Variants in P2RY12 observed in about 807,000 individuals in gnomAD.
P2RY12 encodes the protein purinergic receptor P2Y12.
P2RY12 carries 3 observed loss-of-function variants against 4.5 expected under a neutral mutation model. That is an observed-to-expected ratio of 0.67 (90% CI 0.31 to 1.74). P2RY12 has a LOEUF of 1.74. P2RY12 is among the 40% of genes most tolerant of loss of function. P2RY12 has a pLI of 0.09. For missense variants in P2RY12, 356 were observed against 407.8 expected (o/e 0.87, Z 1.09); for synonymous variants, 148 against 154.1 (o/e 0.96, Z 0.29).
intron 1 of P2RY12, among the ~76,000 whole-genome samples, chr3:151,362,471 A>G (rs1195284946): frequency 6.6e-6 from 1 of 152,002 alleles, no homozygotes; most frequent in Non-Finnish European, 1.5e-5. Flanking sequence ...ACTTGTCCTC[A>G]GTTACTTGTG....
chr3:151,364,058 C>T (rs1172102845), intron 1 of P2RY12, among the ~76,000 whole-genome samples: 2 of 152,040 alleles, frequency 1.3e-5, no homozygotes, highest in Admixed American at 1.3e-4. Flanking sequence ...CTGCCAAAAA[C>T]TTAATCTATA....
intron 1 of P2RY12, among the ~76,000 whole-genome samples, chr3:151,359,674 G>A (rs1189548891): frequency 6.6e-6 from 1 of 152,120 alleles, no homozygotes; most frequent in Non-Finnish European, 1.5e-5. Flanking sequence ...AATAAGGATG[G>A]TGAATCAGAT....
At chr3:151,355,524 A>G (rs1333413386) in intron 1 of P2RY12, among the ~76,000 whole-genome samples, 1 of 152,204 alleles carries the variant, frequency 6.6e-6, no homozygotes, top group East Asian at 1.9e-4. Flanking sequence ...CCTATATTGC[A>G]ATTGATGAGA....
chr3:151,343,223 T>G (rs1274296911), intron 1 of P2RY12, among the ~76,000 whole-genome samples: 1 of 152,176 alleles, frequency 6.6e-6, no homozygotes, highest in Non-Finnish European at 1.5e-5. Context: ...TCTAAGACCA[T>G]CAAATGAAAC....
chr3:151,337,611 A>T lies in P2RY12; in HGVS notation c.*206T>A, dbSNP rs1007580097. ...ATGTCGTTTGTTTTGCTGCTAATAC[A>T]GCTACAGTTTAGATTAGTTTTCTAT... On this transcript the variant is annotated 3_prime_UTR_variant, in exon 3 of 3. Coordinates refer to ENST00000302632, the MANE Select transcript of P2RY12 (RefSeq NM_022788.5). 1 of 568,276 alleles carries T rather than the reference A, an allele frequency of 1.8e-6. No individual in the cohort carries two copies. The highest frequency in any genetic ancestry group is 1.9e-5 in the African/African-American group (1 of 53,200). 35.2% of individuals were successfully genotyped at this position (568,276 alleles called of 1,614,324 possible).
chr3:151,372,100 A>G (rs1166672728), intron 1 of P2RY12, among the ~76,000 whole-genome samples: 1 of 152,212 alleles, frequency 6.6e-6, no homozygotes, highest in East Asian at 1.9e-4. Flanking sequence ...AGTTGATAGT[A>G]AGGTGGGCTA....
At chr3:151,384,349 T>C (rs1379237606) in intron 1 of P2RY12, 1 of 950,232 alleles carries the variant, frequency 1.1e-6, no homozygotes, top group Non-Finnish European at 1.5e-6. Context: ...ATTTGCTATT[T>C]GTTTCACCTA....
chr3:151,348,138 AATAG>A (rs1752755798), intron 1 of P2RY12, among the ~76,000 whole-genome samples: 1 of 152,162 alleles, frequency 6.6e-6, no homozygotes, highest in Non-Finnish European at 1.5e-5. Flanking sequence ...TCTTGCCTCA[AATAG>A]ATATTCTATA....
intron 1 of P2RY12, among the ~76,000 whole-genome samples, chr3:151,366,689 T>G (rs1159014510): frequency 2.0e-5 from 3 of 152,188 alleles, no homozygotes; most frequent in African/African-American, 7.2e-5. Flanking sequence ...GCCTCTCAGT[T>G]GAAGGTTGAC....
At chr3:151,350,051 T>C in intron 1 of P2RY12, 1 of 1,606,596 alleles carries the variant, frequency 6.2e-7, no homozygotes, top group Non-Finnish European at 8.5e-7. Context: ...GCATTTTCTG[T>C]TTTTCAGGAT....
chr3:151,361,893 A>G lies in P2RY12; in HGVS notation c.-179-21133T>C, dbSNP rs191714015. On this transcript the variant is annotated intron_variant, in intron 1 of 2. Transcript: ENST00000302632. ...ACTTGCTACCCCCACAGGCAGCACT[A>G]GGGCTGGAAAGTAAATGCTTATTTA... Among the ~76,000 whole-genome samples the G allele has an allele frequency of 4.6e-5, 7 of 152,256 alleles. No homozygotes were observed. The East Asian group carries it at 1.4e-3, about 29-fold the overall frequency.
intron 1 of P2RY12, among the ~76,000 whole-genome samples, chr3:151,377,378 ACAC>A: frequency 6.6e-6 from 1 of 152,188 alleles, no homozygotes; most frequent in South Asian, 2.1e-4. Context: ...GTAGGCTTAA[ACAC>A]CTTGAAACTG....
intron 1 of P2RY12, chr3:151,376,898 C>A: frequency 6.2e-7 from 1 of 1,612,514 alleles, no homozygotes; most frequent in Non-Finnish European, 8.5e-7. Flanking sequence ...GAAAGCTTAT[C>A]TCTGTATGAA....
intron 1 of P2RY12, among the ~76,000 whole-genome samples, chr3:151,363,635 TACACA>T (rs1208714604): frequency 1.1e-4 from 16 of 152,204 alleles, no homozygotes; most frequent in African/African-American, 3.6e-4. Context: ...ATAAGTTGTC[TACACA>T]GAAAGAGAGT....
At chr3:151,340,824 G>C (rs1181691774) in intron 1 of P2RY12, 64 bp from the exon 2 acceptor site, 2 of 152,522 alleles carry the variant, frequency 1.3e-5, no homozygotes, top group Non-Finnish European at 2.9e-5. Flanking sequence ...TCAAACACTG[G>C]ACTCAAAGCT....
intron 1 of P2RY12, chr3:151,365,767 A>G: frequency 2.5e-6 from 3 of 1,204,338 alleles, no homozygotes; most frequent in South Asian, 4.1e-5. Flanking sequence ...ATGTTAGTGA[A>G]ATATATGTTA....
At chr3:151,357,298 T>A (rs533343402) in intron 1 of P2RY12, 1 of 1,613,956 alleles carries the variant, frequency 6.2e-7, no homozygotes, top group Non-Finnish European at 8.5e-7. Flanking sequence ...GGACTGTGTG[T>A]CTGCATCGTG....
intron 1 of P2RY12, among the ~76,000 whole-genome samples, chr3:151,344,077 C>T (rs1752241125): frequency 6.6e-6 from 1 of 152,032 alleles, no homozygotes; most frequent in Non-Finnish European, 1.5e-5. Context: ...GAGTCTTGGG[C>T]ATTGAAATAT....
chr3:151,367,825 T>G, intron 1 of P2RY12: 1 of 1,552,764 alleles, frequency 6.4e-7, no homozygotes, highest in East Asian at 2.3e-5. Context: ...TGGAGTGGTT[T>G]CTAACATTAC....
Sources: gnomAD v4.1 joint callset for allele counts (sites outside exome capture counted in the v4.1 genomes callset) on GRCh38, gnomAD v4.1.1 for gene constraint, MANE v1.5 for transcripts, NCBI Gene and HGNC (gene_info 2026-07-23, HGNC 2026-07-21) for gene names.